GALNTL6: variants seen among roughly 807,000 people sequenced by gnomAD.
The protein encoded by GALNTL6 is polypeptide N-acetylgalactosaminyltransferase like 6.
A neutral mutation model predicts 73.7 loss-of-function variants in GALNTL6; 46 were observed. The observed-to-expected ratio is 0.62, with a 90% CI of 0.49 to 0.80. The LOEUF (loss-of-function observed/expected upper bound fraction) is 0.80. Among genes scored for constraint, GALNTL6 ranks in the 30% least tolerant of loss-of-function variants. The pLI is 0.00. For synonymous variants in GALNTL6, 259 were observed against 263.7 expected, an observed-to-expected ratio of 0.98 and a Z score of 0.17; for missense variants, 604 against 755.0, an observed-to-expected ratio of 0.80 and a Z score of 2.34.
intron 2 of GALNTL6, among the ~76,000 whole-genome samples, chr4:172,162,579 G>A (rs1734505014): frequency 6.6e-6 from 1 of 151,912 alleles, no homozygotes; most frequent in South Asian, 2.1e-4. Flanking sequence ...AGGAAAAAGA[G>A]AAAAATAGCT....
intron 5 of GALNTL6, among the ~76,000 whole-genome samples, chr4:172,502,882 C>T (rs1198699643): frequency 1.3e-5 from 2 of 152,176 alleles, no homozygotes; most frequent in African/African-American, 4.8e-5. Flanking sequence ...CTTACACTTT[C>T]AGTCCAGGCC....
intron 2 of GALNTL6, among the ~76,000 whole-genome samples, chr4:172,060,537 C>T (rs1450829581): frequency 6.6e-6 from 1 of 151,194 alleles, no homozygotes; most frequent in Non-Finnish European, 1.5e-5. Context: ...TCTGAATCTG[C>T]ATGAAAAATA....
chr4:172,910,016 A>G (rs1172653148), intron 8 of GALNTL6, among the ~76,000 whole-genome samples: 1 of 152,004 alleles, frequency 6.6e-6, no homozygotes, highest in African/African-American at 2.4e-5. Context: ...AGTGAAAAAA[A>G]GGCAAAGTAT....
chr4:172,435,306 A>T (rs1052645051), intron 5 of GALNTL6, among the ~76,000 whole-genome samples: 4 of 152,118 alleles, frequency 2.6e-5, no homozygotes, highest in African/African-American at 4.8e-5. Flanking sequence ...GTTGCTATTC[A>T]CCAACTAAGA....
chr4:171,885,898 CTCAG>C (rs1278034831), intron 2 of GALNTL6, among the ~76,000 whole-genome samples: 5 of 151,878 alleles, frequency 3.3e-5, no homozygotes, highest in African/African-American at 1.2e-4. Flanking sequence ...CTGAGAAGTC[CTCAG>C]TCAATCTTTG....
chr4:172,751,484 C>A (rs892922968), intron 5 of GALNTL6, among the ~76,000 whole-genome samples: 2 of 152,116 alleles, frequency 1.3e-5, no homozygotes, highest in Admixed American at 6.6e-5. Flanking sequence ...GTGTGAGATG[C>A]TACAAAGGAA....
At chr4:172,360,346 T>C (rs1373864669) in intron 5 of GALNTL6, among the ~76,000 whole-genome samples, 14 of 152,140 alleles carry the variant, frequency 9.2e-5, no homozygotes, top group Admixed American at 2.6e-4. Flanking sequence ...GCAGTACCAT[T>C]AAATAAGATT....
chr4:172,576,309 C>T (rs1736955041), intron 5 of GALNTL6, among the ~76,000 whole-genome samples: 1 of 152,166 alleles, frequency 6.6e-6, no homozygotes, highest in South Asian at 2.1e-4. Flanking sequence ...TTCTGGTTAC[C>T]TTACAGTCCT....
At chr4:172,474,650 T>C (rs1054938483) in intron 5 of GALNTL6, among the ~76,000 whole-genome samples, 1 of 152,220 alleles carries the variant, frequency 6.6e-6, no homozygotes, top group African/African-American at 2.4e-5. Context: ...CCAGAGCTTA[T>C]ACTTGCCTAC....
chr4:172,257,244 A>C (rs747898629), intron 3 of GALNTL6, among the ~76,000 whole-genome samples: 4 of 151,508 alleles, frequency 2.6e-5, no homozygotes, highest in East Asian at 1.9e-4. Flanking sequence ...CTCATTGGCT[A>C]TCTGAAAGAA....
intron 2 of GALNTL6, among the ~76,000 whole-genome samples, chr4:172,103,223 C>A (rs1732571762): frequency 6.6e-6 from 1 of 152,142 alleles, no homozygotes. Flanking sequence ...TGCTGATGAC[C>A]AGGCCTGAAA....
chr4:172,463,354 A>C (rs1047524499), intron 5 of GALNTL6, among the ~76,000 whole-genome samples: 2 of 152,026 alleles, frequency 1.3e-5, no homozygotes, highest in Non-Finnish European at 2.9e-5. Flanking sequence ...AAAAAAGAAC[A>C]CTTAAGTAAA....
At chr4:172,643,422 A>G (rs1740080467) in intron 5 of GALNTL6, among the ~76,000 whole-genome samples, 1 of 151,996 alleles carries the variant, frequency 6.6e-6, no homozygotes, top group Non-Finnish European at 1.5e-5. Context: ...ATAAATACAG[A>G]CATAAAAGTG....
At chr4:172,969,984 G>A (rs1750499838) in intron 10 of GALNTL6, among the ~76,000 whole-genome samples, 1 of 152,168 alleles carries the variant, frequency 6.6e-6, no homozygotes, top group Non-Finnish European at 1.5e-5. Flanking sequence ...AGCCAGGGGT[G>A]ACATCACGTA....
intron 5 of GALNTL6, among the ~76,000 whole-genome samples, chr4:172,705,360 C>A (rs1734283802): frequency 1.3e-5 from 2 of 150,716 alleles, no homozygotes; most frequent in South Asian, 4.2e-4. Context: ...GTTTTTGCTG[C>A]ATGGGTATAT....
chr4:172,146,428 T>C (rs1452855280), intron 2 of GALNTL6, among the ~76,000 whole-genome samples: 1 of 152,226 alleles, frequency 6.6e-6, no homozygotes, highest in Non-Finnish European at 1.5e-5. Context: ...CCAGGATCAC[T>C]ACATTCACTC....
intron 2 of GALNTL6, among the ~76,000 whole-genome samples, chr4:171,853,476 T>TC (rs912198066): frequency 2.0e-5 from 3 of 151,436 alleles, no homozygotes; most frequent in African/African-American, 7.3e-5. Context: ...TTCTTTTTTT[T>TC]CTGTTCTTTC....
At chr4:172,691,475 T>A (rs752924212) in intron 5 of GALNTL6, among the ~76,000 whole-genome samples, 1 of 152,216 alleles carries the variant, frequency 6.6e-6, no homozygotes, top group Non-Finnish European at 1.5e-5. Context: ...TTTTAAATGT[T>A]ACATGACTCA....
chr4:172,278,142 G>A (rs1396742617), intron 3 of GALNTL6, among the ~76,000 whole-genome samples: 1 of 151,866 alleles, frequency 6.6e-6, no homozygotes, highest in Non-Finnish European at 1.5e-5. Context: ...TATCTCTTAT[G>A]TCCTTTCTTC....
Sources: gnomAD v4.1 joint callset for allele counts (sites outside exome capture counted in the v4.1 genomes callset) on GRCh38, gnomAD v4.1.1 for gene constraint, MANE v1.5 for transcripts, NCBI Gene and HGNC (gene_info 2026-07-23, HGNC 2026-07-21) for gene names.